GSG1L: variants seen among roughly 807,000 people sequenced by gnomAD.
GSG1L encodes the protein GSG1 like, also known as germ cell-specific gene 1-like protein.
Under a neutral mutation model 42.1 loss-of-function variants are expected in GSG1L, and 24 were observed. The ratio of observed to expected loss-of-function variants is 0.57; its 90% CI spans 0.41 to 0.80. The LOEUF is 0.80. GSG1L is among the 30% of genes least tolerant of loss of function. The pLI is 0.00. For synonymous variants in GSG1L, 215 were observed against 203.5 expected, an observed-to-expected ratio of 1.06 and a Z score of -0.48; for missense variants, 445 against 472.2, an observed-to-expected ratio of 0.94 and a Z score of 0.53.
chr16:27,981,229 A>AG (rs2085323268), intron 1 of GSG1L, among the ~76,000 whole-genome samples: 1 of 152,220 alleles, frequency 6.6e-6, no homozygotes, highest in African/African-American at 2.4e-5. Flanking sequence ...TCCGAGACCC[A>AG]GATTCCACAA....
chr16:27,992,206 G>A (rs1048973296), intron 1 of GSG1L, among the ~76,000 whole-genome samples: 22 of 152,216 alleles, frequency 1.4e-4, no homozygotes, highest in African/African-American at 5.1e-4. Context: ...CTAGATAAAG[G>A]ATATTTTCGG....
chr16:27,921,634 T>C (rs577119691), intron 2 of GSG1L, among the ~76,000 whole-genome samples: 1 of 152,318 alleles, frequency 6.6e-6, no homozygotes, highest in South Asian at 2.1e-4. Context: ...TACTCATCCC[T>C]CACAAGCTTT....
intron 1 of GSG1L, among the ~76,000 whole-genome samples, chr16:27,994,162 G>A (rs767859362): frequency 7.2e-5 from 11 of 152,264 alleles, no homozygotes; most frequent in East Asian, 1.9e-4. Flanking sequence ...CTGCTACAAC[G>A]GCTACATTCT....
chr16:27,791,515 CACATCCTGTCTA>C, intron 6 of GSG1L, 48 bp from the exon 7 acceptor site: 1 of 1,307,836 alleles, frequency 7.6e-7, no homozygotes. Context: ...TTCCTCCACC[CACATCCTGTCTA>C]CCCACCGCCC....
At chr16:27,888,495 CTTTCTTTCTTTCTTTCTTT>C (rs2084073754) in intron 2 of GSG1L, among the ~76,000 whole-genome samples, 1 of 5,992 alleles carries the variant, frequency 1.7e-4, no homozygotes, top group African/African-American at 4.2e-4. Context: ...TTCTTTCTTT[CTTTCTTTCTTTCTTTCTTT>C]CTTTCTTTCT....
At chr16:27,888,529 TTCTTTC>T (rs1299978312) in intron 2 of GSG1L, among the ~76,000 whole-genome samples, 3 of 27,142 alleles carry the variant, frequency 1.1e-4, no homozygotes, top group Non-Finnish European at 1.7e-4. Context: ...CTTTCTTTCT[TTCTTTC>T]TTTCTTTCTT....
rs201953367 is a variant in GSG1L at position 28,048,231 on chromosome 16, A to AAT, written c.349+14843_349+14844dup. ...CGACAGAGCAAGACTCTGCCTCAAA[A>AAT]ATATATATATAACAATATAAAGCCC... On this transcript the variant is annotated intron_variant, in intron 1 of 6. Coordinates refer to ENST00000447459, the MANE Select transcript of GSG1L (RefSeq NM_001109763.2). 9.1e-3 allele frequency among the ~76,000 whole-genome samples: 1,384 copies of AAT among 152,076 alleles called. 15 individuals carry two copies. Among genetic ancestry groups the AAT allele is most frequent in the African/African-American group, 0.032 (1,319 of 41,434 alleles).
intron 3 of GSG1L, among the ~76,000 whole-genome samples, chr16:27,852,877 C>T (rs910730548): frequency 6.6e-6 from 1 of 151,956 alleles, no homozygotes; most frequent in Non-Finnish European, 1.5e-5. Flanking sequence ...TGAGGATGGG[C>T]GGGACTTGCC....
At chr16:27,973,024 A>G (rs2085210751) in intron 1 of GSG1L, among the ~76,000 whole-genome samples, 1 of 152,122 alleles carries the variant, frequency 6.6e-6, no homozygotes, top group African/African-American at 2.4e-5. Context: ...TGGCTCTGTC[A>G]CTTCCTGCCA....
rs941282580 is a variant in GSG1L at position 27,790,256 on chromosome 16, T to A, written c.*1114A>T. Reference sequence around the variant, plus strand: ...TAATGGATAATGGCTGGATGAGTGATGGATGATGGATGGAAGGATGGAAGG... The same window carrying A: ...TAATGGATAATGGCTGGATGAGTGAAGGATGATGGATGGAAGGATGGAAGG... On this transcript the variant is annotated 3_prime_UTR_variant, in exon 7 of 7. Transcript: ENST00000447459. 1 of 152,038 alleles carries A rather than the reference T, an allele frequency of 6.6e-6. No homozygotes were observed. The highest frequency in any genetic ancestry group is 2.4e-5 in the African/African-American group (1 of 41,382). 9.4% of individuals were successfully genotyped at this position (152,038 alleles called of 1,614,324 possible).
At chr16:27,795,002 T>C (rs1237614010) in intron 6 of GSG1L, among the ~76,000 whole-genome samples, 1 of 152,028 alleles carries the variant, frequency 6.6e-6, no homozygotes, top group Non-Finnish European at 1.5e-5. Context: ...TTCAGCAGCC[T>C]GCATAACTCT....
chr16:27,923,841 T>A (rs2084560061), intron 2 of GSG1L, among the ~76,000 whole-genome samples: 1 of 151,896 alleles, frequency 6.6e-6, no homozygotes, highest in South Asian at 2.1e-4. Context: ...AATAGTGTTG[T>A]GGGAGCCATT....
At chr16:27,829,008 G>GA (rs1240024974) in intron 4 of GSG1L, 52 bp from the exon 5 acceptor site, 10 of 1,563,430 alleles carry the variant, frequency 6.4e-6, no homozygotes, top group Non-Finnish European at 8.8e-6. Flanking sequence ...CAAGGGACAG[G>GA]AAAAATCCCA....
chr16:28,026,819 T>C (rs1431605886), intron 1 of GSG1L, among the ~76,000 whole-genome samples: 1 of 152,192 alleles, frequency 6.6e-6, no homozygotes, highest in Non-Finnish European at 1.5e-5. Flanking sequence ...TTGTGGCTCA[T>C]GCCTGTAATC....
At chr16:27,837,612 C>T (rs549186187) in intron 4 of GSG1L, among the ~76,000 whole-genome samples, 1 of 152,348 alleles carries the variant, frequency 6.6e-6, no homozygotes, top group South Asian at 2.1e-4. Flanking sequence ...TCCTCTGACA[C>T]AATCCCTGCA....
intron 5 of GSG1L, among the ~76,000 whole-genome samples, chr16:27,814,617 G>A (rs374934313): frequency 2.6e-5 from 4 of 151,538 alleles, no homozygotes; most frequent in South Asian, 2.1e-4. Context: ...CCCAGGAGGC[G>A]GAGGTTGCAG....
At chr16:27,931,207 C>T (rs2084654541) in intron 2 of GSG1L, among the ~76,000 whole-genome samples, 1 of 152,178 alleles carries the variant, frequency 6.6e-6, no homozygotes, top group Admixed American at 6.5e-5. Context: ...ACAAATTTCC[C>T]ATCTCAGAGC....
chr16:28,009,173 C>G (rs2085684696), intron 1 of GSG1L, among the ~76,000 whole-genome samples: 2 of 152,142 alleles, frequency 1.3e-5, no homozygotes, highest in South Asian at 4.1e-4. Flanking sequence ...GCCTGTTCTC[C>G]TCCCTGCTCT....
intron 3 of GSG1L, among the ~76,000 whole-genome samples, chr16:27,862,773 T>C (rs935487185): frequency 6.6e-6 from 1 of 152,146 alleles, no homozygotes; most frequent in African/African-American, 2.4e-5. Flanking sequence ...AGTTTCTCTT[T>C]ACCAACACCT....
Sources: allele counts gnomAD v4.1 joint callset (sites outside exome capture counted in the v4.1 genomes callset), GRCh38; gene constraint gnomAD v4.1.1; transcripts MANE v1.5; gene names NCBI Gene and HGNC (gene_info 2026-07-23, HGNC 2026-07-21).